The following TSHZ2 variants were observed in gnomAD, a reference collection of about 807,000 sequenced individuals.
The protein encoded by TSHZ2 is teashirt homolog 2.
A neutral mutation model predicts 74.4 loss-of-function variants in TSHZ2; 21 were observed. The ratio of observed to expected loss-of-function variants is 0.28; its 90% confidence interval spans 0.20 to 0.41. The LOEUF (loss-of-function observed/expected upper bound fraction) is 0.41, where lower values mean the gene tolerates loss of function less well. Ranked by LOEUF, TSHZ2 falls within the 10% of genes least tolerant of loss-of-function variation. TSHZ2 has a pLI of 1.00. For synonymous variants in TSHZ2, 540 were observed against 515.3 expected, an observed-to-expected ratio of 1.05 and a Z score of -0.65; for missense variants, 1,244 against 1,293.5, an observed-to-expected ratio of 0.96 and a Z score of 0.59.
chr20:53,275,289 CAG>C (rs1199005265), intron 2 of TSHZ2, among the ~76,000 whole-genome samples: 1 of 152,124 alleles, frequency 6.6e-6, no homozygotes, highest in Non-Finnish European at 1.5e-5. Context: ...TTCAAAAATG[CAG>C]AGTCTCCTCT....
intron 2 of TSHZ2, among the ~76,000 whole-genome samples, chr20:53,395,245 G>T (rs1049513020): frequency 3.9e-5 from 6 of 152,188 alleles, no homozygotes; most frequent in African/African-American, 1.4e-4. Flanking sequence ...AGAAAAATGT[G>T]ACTTTTAGAT....
intron 1 of TSHZ2, among the ~76,000 whole-genome samples, chr20:53,247,853 A>G (rs1990242316): frequency 6.6e-6 from 1 of 152,170 alleles, no homozygotes. Context: ...TTATGTTATG[A>G]TTCCACTTCT....
intron 2 of TSHZ2, among the ~76,000 whole-genome samples, chr20:53,459,020 T>C (rs1018019675): frequency 5.3e-5 from 8 of 152,320 alleles, no homozygotes; most frequent in African/African-American, 1.9e-4. Flanking sequence ...GGTGCGGTGC[T>C]GAAAAAAATA....
chr20:53,364,446 G>T (rs1981182423), intron 2 of TSHZ2, among the ~76,000 whole-genome samples: 1 of 151,900 alleles, frequency 6.6e-6, no homozygotes, highest in Non-Finnish European at 1.5e-5. Context: ...CTCCCCTGAA[G>T]CCATCACTTT....
At chr20:53,441,268 T>C (rs1167910395) in intron 2 of TSHZ2, among the ~76,000 whole-genome samples, 1 of 148,322 alleles carries the variant, frequency 6.7e-6, no homozygotes, top group Non-Finnish European at 1.5e-5. Context: ...TTATTTTATT[T>C]TATTTTATTT....
chr20:53,020,784 A>T (rs1983214100), intron 1 of TSHZ2, among the ~76,000 whole-genome samples: 1 of 152,182 alleles, frequency 6.6e-6, no homozygotes, highest in African/African-American at 2.4e-5. Flanking sequence ...ATCTGATAAA[A>T]ATAAAAGAAG....
chr20:53,245,608 T>C (rs1249964202), intron 1 of TSHZ2, among the ~76,000 whole-genome samples: 1 of 152,236 alleles, frequency 6.6e-6, no homozygotes, highest in African/African-American at 2.4e-5. Flanking sequence ...TCCTGGCACA[T>C]AGGAATCCTC....
intron 1 of TSHZ2, among the ~76,000 whole-genome samples, chr20:53,050,945 C>T (rs1361313617): frequency 1.3e-5 from 2 of 152,222 alleles, no homozygotes; most frequent in Admixed American, 1.3e-4. Context: ...ACTATCTTTA[C>T]TCTAGAACTC....
chr20:53,123,020 G>A (rs1986854949), intron 1 of TSHZ2, among the ~76,000 whole-genome samples: 1 of 152,110 alleles, frequency 6.6e-6, no homozygotes, highest in Admixed American at 6.5e-5. Context: ...GACATAAGAA[G>A]CACCACCCAT....
At chr20:53,183,600 T>C (rs937157697) in intron 1 of TSHZ2, among the ~76,000 whole-genome samples, 1 of 152,112 alleles carries the variant, frequency 6.6e-6, no homozygotes, top group African/African-American at 2.4e-5. Flanking sequence ...CACACACACA[T>C]ATACTCAGCT....
chr20:52,995,443 G>A (rs973595765), intron 1 of TSHZ2, among the ~76,000 whole-genome samples: 1 of 152,146 alleles, frequency 6.6e-6, no homozygotes, highest in African/African-American at 2.4e-5. Context: ...TGTGCATCCA[G>A]AATGATTTGC....
chr20:53,390,190 C>G (rs1982199708), intron 2 of TSHZ2, among the ~76,000 whole-genome samples: 1 of 152,094 alleles, frequency 6.6e-6, no homozygotes, highest in Non-Finnish European at 1.5e-5. Context: ...AGAGTAAATG[C>G]TTATTTTCAC....
chr20:53,147,230 T>A (rs1333711045), intron 1 of TSHZ2, among the ~76,000 whole-genome samples: 1 of 152,242 alleles, frequency 6.6e-6, no homozygotes, highest in Non-Finnish European at 1.5e-5. Flanking sequence ...TTAACTTTGA[T>A]CTCTTTTAGT....
chr20:53,139,839 A>T (rs2123410423), intron 1 of TSHZ2, among the ~76,000 whole-genome samples: 1 of 152,340 alleles, frequency 6.6e-6, no homozygotes, highest in South Asian at 2.1e-4. Context: ...ACTAAACCAT[A>T]CCTATCAGTG....
chr20:53,136,116 T>C (rs573627962), intron 1 of TSHZ2, among the ~76,000 whole-genome samples: 1 of 152,338 alleles, frequency 6.6e-6, no homozygotes, highest in East Asian at 1.9e-4. Flanking sequence ...CAAGGTAGCA[T>C]AGGGCATCAC....
At chr20:53,468,515 G>T (rs1172995629) in intron 2 of TSHZ2, among the ~76,000 whole-genome samples, 2 of 151,942 alleles carry the variant, frequency 1.3e-5, no homozygotes. Context: ...TGTTTCTGCT[G>T]GTTGCGTTCA....
Position 52,973,099 on chromosome 20 carries a change from C to T in TSHZ2, c.-195C>T. ...AGCCGGCACAAGCCACCCGTGTCTGCCACCCAGAGAGGGGGGTCTCTGGCC... is the reference window on the plus strand; with the variant it reads ...AGCCGGCACAAGCCACCCGTGTCTGTCACCCAGAGAGGGGGGTCTCTGGCC... On this transcript the variant is annotated 5_prime_UTR_variant, in exon 1 of 3. Coordinates refer to ENST00000371497, the MANE Select transcript of TSHZ2 (RefSeq NM_173485.6). The T allele has an allele frequency of 1.7e-6, 1 of 596,130 alleles. No homozygotes were observed. The highest frequency in any genetic ancestry group is 2.9e-6 in the Non-Finnish European group (1 of 348,826). 36.9% of individuals were successfully genotyped at this position (596,130 alleles called of 1,614,324 possible).
At chr20:53,432,982 T>G (rs1401318909) in intron 2 of TSHZ2, among the ~76,000 whole-genome samples, 2 of 152,182 alleles carry the variant, frequency 1.3e-5, no homozygotes, top group Admixed American at 6.5e-5. Context: ...CTTTTGATCA[T>G]TGCCTTACAA....
chr20:53,053,914 T>C (rs1162849721), intron 1 of TSHZ2, among the ~76,000 whole-genome samples: 3 of 152,194 alleles, frequency 2.0e-5, no homozygotes, highest in Non-Finnish European at 4.4e-5. Flanking sequence ...CCCTGTCTAA[T>C]TAGTGACTGC....
Sources: gnomAD v4.1 joint callset for allele counts (sites outside exome capture counted in the v4.1 genomes callset) on GRCh38, gnomAD v4.1.1 for gene constraint, MANE v1.5 for transcripts, NCBI Gene and HGNC (gene_info 2026-07-23, HGNC 2026-07-21) for gene names.